The following PTPRD variants were observed in gnomAD, a reference collection of about 807,000 sequenced individuals.
The protein encoded by PTPRD is receptor-type tyrosine-protein phosphatase delta.
A neutral mutation model predicts 214.5 loss-of-function variants in PTPRD; 34 were observed. The ratio of observed to expected loss-of-function variants is 0.16; its 90% confidence interval spans 0.12 to 0.21. PTPRD has a LOEUF of 0.21. Among genes scored for constraint, PTPRD ranks in the 10% least tolerant of loss-of-function variants. PTPRD has a pLI of 1.00. For missense variants in PTPRD, 2,545 were observed against 2,398.7 expected (o/e 1.06, Z -1.27); for synonymous variants, 1,128 against 845.7 (o/e 1.33, Z -5.79).
intron 5 of PTPRD, among the ~76,000 whole-genome samples, chr9:9,846,292 C>G (rs1037071381): frequency 1.3e-5 from 2 of 152,014 alleles, no homozygotes; most frequent in African/African-American, 4.8e-5. Context: ...CATTCCCAAT[C>G]AAAATTACTT....
intron 3 of PTPRD, among the ~76,000 whole-genome samples, chr9:10,205,164 A>G (rs1429863786): frequency 6.6e-6 from 1 of 152,026 alleles, no homozygotes; most frequent in Non-Finnish European, 1.5e-5. Flanking sequence ...CAAGTTTATA[A>G]TATGTTAGTA....
chr9:8,489,265 T>C (rs2097100293), intron 27 of PTPRD, among the ~76,000 whole-genome samples: 1 of 152,174 alleles, frequency 6.6e-6, no homozygotes, highest in Non-Finnish European at 1.5e-5. Flanking sequence ...TTGTTTTTGA[T>C]GTTGGCATGA....
chr9:9,553,164 A>G (rs1345027975), intron 8 of PTPRD, among the ~76,000 whole-genome samples: 1 of 152,058 alleles, frequency 6.6e-6, no homozygotes, highest in Admixed American at 6.6e-5. Flanking sequence ...TCCTATTAAG[A>G]TTTCCTTTGA....
At chr9:9,557,229 G>C (rs542592685) in intron 8 of PTPRD, among the ~76,000 whole-genome samples, 56 of 152,170 alleles carry the variant, frequency 3.7e-4, no homozygotes, top group Non-Finnish European at 6.3e-4. Context: ...ATGATGGAAG[G>C]GGGGAAGGGT....
At chr9:10,529,910 G>A (rs1422681400) in intron 2 of PTPRD, among the ~76,000 whole-genome samples, 3 of 151,834 alleles carry the variant, frequency 2.0e-5, no homozygotes, top group Non-Finnish European at 4.4e-5. Flanking sequence ...GTCTTGGGGT[G>A]GGGGGCAAGA....
At chr9:8,819,912 T>G (rs558846470) in intron 11 of PTPRD, among the ~76,000 whole-genome samples, 1 of 152,094 alleles carries the variant, frequency 6.6e-6, no homozygotes, top group Non-Finnish European at 1.5e-5. Flanking sequence ...CACAATCATA[T>G]GCTCAGGAAG....
intron 3 of PTPRD, among the ~76,000 whole-genome samples, chr9:10,049,396 G>A (rs1370950672): frequency 1.2e-5 from 1 of 85,074 alleles, no homozygotes; most frequent in East Asian, 7.6e-4. Flanking sequence ...AGCTTCTCTG[G>A]TTAAAAAAAA....
intron 11 of PTPRD, among the ~76,000 whole-genome samples, chr9:8,748,472 T>C (rs1258206202): frequency 7.4e-6 from 1 of 135,738 alleles, no homozygotes; most frequent in Admixed American, 8.9e-5. Flanking sequence ...CCTCCCTTTG[T>C]ATGGGAGCTC....
intron 31 of PTPRD, among the ~76,000 whole-genome samples, chr9:8,466,980 T>C (rs947334435): frequency 2.6e-5 from 4 of 152,010 alleles, no homozygotes; most frequent in African/African-American, 4.8e-5. Flanking sequence ...CATTAGGAAT[T>C]TGATCGTACG....
intron 4 of PTPRD, among the ~76,000 whole-genome samples, chr9:9,964,678 CTG>C (rs2094569419): frequency 6.6e-6 from 1 of 152,072 alleles, no homozygotes; most frequent in Non-Finnish European, 1.5e-5. Context: ...CCTATTCAAA[CTG>C]TGGTTAGCAG....
chr9:9,924,716 T>C (rs955309659), intron 5 of PTPRD, among the ~76,000 whole-genome samples: 3 of 152,136 alleles, frequency 2.0e-5, no homozygotes, highest in Non-Finnish European at 2.9e-5. Context: ...GATGTTCTTA[T>C]TGTCCTTCGT....
At chr9:9,474,432 T>C (rs2094872073) in intron 8 of PTPRD, among the ~76,000 whole-genome samples, 1 of 152,128 alleles carries the variant, frequency 6.6e-6, no homozygotes, top group African/African-American at 2.4e-5. Context: ...CAAGGACCTT[T>C]GTGGTCCCAT....
chr9:10,181,906 A>G (rs567441747), intron 3 of PTPRD, among the ~76,000 whole-genome samples: 1 of 148,288 alleles, frequency 6.7e-6, no homozygotes, highest in South Asian at 2.1e-4. Context: ...CTGAGACAGA[A>G]AAGCTTTCTT....
At chr9:10,347,412 T>TC (rs1344120909) in intron 2 of PTPRD, among the ~76,000 whole-genome samples, 1 of 149,582 alleles carries the variant, frequency 6.7e-6, no homozygotes, top group Non-Finnish European at 1.5e-5. Flanking sequence ...TATTTGTCTT[T>TC]TTTTTTTTTT....
intron 2 of PTPRD, among the ~76,000 whole-genome samples, chr9:10,535,755 A>C (rs1185064983): frequency 6.6e-6 from 1 of 152,154 alleles, no homozygotes; most frequent in African/African-American, 2.4e-5. Flanking sequence ...GTCTCATGAA[A>C]CTGTGCACAG....
chr9:8,390,771 G>C (rs959152325), intron 36 of PTPRD, among the ~76,000 whole-genome samples: 1 of 152,116 alleles, frequency 6.6e-6, no homozygotes, highest in Non-Finnish European at 1.5e-5. Context: ...CAGTGATTAA[G>C]GGAATGAAAG....
At chr9:10,277,495 G>A (rs1349983700) in intron 3 of PTPRD, among the ~76,000 whole-genome samples, 2 of 152,294 alleles carry the variant, frequency 1.3e-5, no homozygotes, top group African/African-American at 4.8e-5. Context: ...CTCATTTGTA[G>A]ATGGGAATAA....
intron 9 of PTPRD, among the ~76,000 whole-genome samples, chr9:9,258,275 T>A (rs2131969714): frequency 6.6e-6 from 1 of 152,032 alleles, no homozygotes; most frequent in East Asian, 2.0e-4. Context: ...TATAACAGCT[T>A]GGCTTCCAGG....
chr9:9,865,241 A>T (rs888380361), intron 5 of PTPRD, among the ~76,000 whole-genome samples: 1 of 152,194 alleles, frequency 6.6e-6, no homozygotes, highest in Non-Finnish European at 1.5e-5. Flanking sequence ...CTATTGTTTA[A>T]ACGTCCCTTC....
Sources: allele counts gnomAD v4.1 joint callset (sites outside exome capture counted in the v4.1 genomes callset), GRCh38; gene constraint gnomAD v4.1.1; transcripts MANE v1.5; gene names NCBI Gene and HGNC (gene_info 2026-07-23, HGNC 2026-07-21).